Variants in RASGEF1A observed in about 807,000 individuals in gnomAD.
RASGEF1A encodes RasGEF domain family member 1A, also known as ras-GEF domain-containing family member 1A.
RASGEF1A carries 18 observed loss-of-function variants against 56.4 expected under a neutral mutation model. That is an observed-to-expected ratio of 0.32 (90% CI 0.22 to 0.47). RASGEF1A has a LOEUF of 0.47. Among genes scored for constraint, RASGEF1A ranks in the 20% least tolerant of loss-of-function variants. The pLI, the probability that RASGEF1A is intolerant of heterozygous loss-of-function variation, is 1.00. For synonymous variants in RASGEF1A, 245 were observed against 242.6 expected, an observed-to-expected ratio of 1.01 and a Z score of -0.09; for missense variants, 422 against 627.1, an observed-to-expected ratio of 0.67 and a Z score of 3.49.
intron 10 of RASGEF1A, 61 bp from the exon 11 acceptor site, chr10:43,197,160 G>C: frequency 1.3e-6 from 2 of 1,583,360 alleles, no homozygotes; most frequent in Non-Finnish European, 8.6e-7. Context: ...CCCTCGGTCA[G>C]GGCAGGGGAC....
chr10:43,231,223 G>A (rs1479025294), intron 1 of RASGEF1A, among the ~76,000 whole-genome samples: 1 of 152,258 alleles, frequency 6.6e-6, no homozygotes, highest in Non-Finnish European at 1.5e-5. Context: ...GCAGACAGGT[G>A]GCATCAGGAT....
At chr10:43,238,557 T>C (rs1362192023) in intron 1 of RASGEF1A, among the ~76,000 whole-genome samples, 12 of 152,248 alleles carry the variant, frequency 7.9e-5, no homozygotes, top group Admixed American at 7.8e-4. Flanking sequence ...CCTGCAACTC[T>C]GCAAAGACAC....
chr10:43,202,785 A>G, intron 3 of RASGEF1A: 1 of 453,190 alleles, frequency 2.2e-6, no homozygotes, highest in Non-Finnish European at 4.5e-6. Context: ...CCCGGACCCA[A>G]CCCACAGCTC....
At chr10:43,202,724 C>A in intron 3 of RASGEF1A, 1 of 468,798 alleles carries the variant, frequency 2.1e-6, no homozygotes, top group Non-Finnish European at 4.4e-6. Context: ...GCGGATTCCG[C>A]CCACGTTGCC....
chr10:43,216,606 G>T (rs929222076), intron 1 of RASGEF1A, among the ~76,000 whole-genome samples: 4 of 152,202 alleles, frequency 2.6e-5, no homozygotes, highest in African/African-American at 9.7e-5. Context: ...AGTAGACAGT[G>T]CTAGGTAGCC....
At chr10:43,236,171 T>C (rs559157038) in intron 1 of RASGEF1A, among the ~76,000 whole-genome samples, 3 of 152,032 alleles carry the variant, frequency 2.0e-5, no homozygotes, top group Non-Finnish European at 2.9e-5. Flanking sequence ...AAAGGTAATA[T>C]AGAGTGTGAG....
intron 1 of RASGEF1A, among the ~76,000 whole-genome samples, chr10:43,215,976 G>A (rs1166342442): frequency 1.3e-5 from 2 of 152,212 alleles, no homozygotes; most frequent in Non-Finnish European, 2.9e-5. Context: ...GGACAGAAGC[G>A]CTGGCGCCAA....
At position 43,201,831 on chromosome 10, in the gene RASGEF1A, G is replaced by T; in HGVS notation, c.436C>A (p.His146Asn). ...KAMAELKAIT[H>N]RVTQCDEENG... ...ACCTCATCACACTGGGTGACACGGT[G>T]TGTGATGGCTTTCAGCTCGGCCATG... The change falls in exon 4 of 13, where the codon CAC becomes AAC. Residue 146 changes from histidine (H) to asparagine (N), a missense_variant. Around this residue, in one of 2 missense-constraint regions of RASGEF1A, gnomAD observed 273 missense variants for 339.9 expected, o/e 0.80. Coordinates refer to ENST00000395810, the MANE Select transcript of RASGEF1A (RefSeq NM_145313.4). The T allele has an allele frequency of 1.9e-6, 3 of 1,609,576 alleles. No homozygotes were observed. Among genetic ancestry groups the T allele is most frequent in the Non-Finnish European group, 2.5e-6 (3 of 1,177,418 alleles).
chr10:43,205,205 G>A (rs941802153), intron 2 of RASGEF1A, among the ~76,000 whole-genome samples: 2 of 152,162 alleles, frequency 1.3e-5, no homozygotes, highest in Non-Finnish European at 2.9e-5. Context: ...AGCATGATGC[G>A]GGCAGGACTG....
intron 1 of RASGEF1A, among the ~76,000 whole-genome samples, chr10:43,249,214 G>A (rs1333739399): frequency 1.3e-5 from 2 of 152,194 alleles, no homozygotes; most frequent in Non-Finnish European, 2.9e-5. Context: ...CAGTAGCCAA[G>A]ACCTGTAGCC....
At chr10:43,230,195 G>A (rs1840347270) in intron 1 of RASGEF1A, among the ~76,000 whole-genome samples, 1 of 152,240 alleles carries the variant, frequency 6.6e-6, no homozygotes, top group Non-Finnish European at 1.5e-5. Context: ...GCCAGCATTC[G>A]ACTTGAATGC....
chr10:43,211,923 A>G (rs1329313442), intron 1 of RASGEF1A, among the ~76,000 whole-genome samples: 4 of 152,138 alleles, frequency 2.6e-5, no homozygotes, highest in Non-Finnish European at 4.4e-5. Context: ...TTGAAGGGAG[A>G]GACGGAAGCT....
intron 1 of RASGEF1A, among the ~76,000 whole-genome samples, chr10:43,209,621 G>A (rs965859065): frequency 2.0e-5 from 3 of 152,214 alleles, no homozygotes; most frequent in African/African-American, 7.2e-5. Flanking sequence ...CCACACAGGA[G>A]GCACTGCTTA....
At chr10:43,256,860 G>C (rs1192636203) in intron 1 of RASGEF1A, among the ~76,000 whole-genome samples, 1 of 152,182 alleles carries the variant, frequency 6.6e-6, no homozygotes, top group Non-Finnish European at 1.5e-5. Context: ...GGGCCCAGCT[G>C]TTTCCTCTAC....
intron 1 of RASGEF1A, among the ~76,000 whole-genome samples, chr10:43,264,194 G>A (rs1330041698): frequency 1.3e-5 from 2 of 151,908 alleles, no homozygotes; most frequent in Admixed American, 6.5e-5. Context: ...GTGTCCCAGC[G>A]CGCAGGGACA....
At chr10:43,242,346 A>G (rs2133218795) in intron 1 of RASGEF1A, among the ~76,000 whole-genome samples, 1 of 152,306 alleles carries the variant, frequency 6.6e-6, no homozygotes, top group East Asian at 1.9e-4. Context: ...ATACCTAACA[A>G]CAGAGTCCCA....
intron 1 of RASGEF1A, among the ~76,000 whole-genome samples, chr10:43,215,433 G>T (rs75097904): frequency 0.016 from 2,362 of 152,360 alleles, 66 homozygotes; most frequent in African/African-American, 0.053. Flanking sequence ...TGGCTGGCAG[G>T]GAGAGCGTGC....
chr10:43,224,891 T>C (rs528972549), intron 1 of RASGEF1A, among the ~76,000 whole-genome samples: 1,919 of 152,336 alleles, frequency 0.013, 40 homozygotes, highest in African/African-American at 0.044. Context: ...ATCAATTACC[T>C]AACATAAACT....
At chr10:43,228,398 G>A (rs1414625449) in intron 1 of RASGEF1A, among the ~76,000 whole-genome samples, 1 of 152,210 alleles carries the variant, frequency 6.6e-6, no homozygotes, top group East Asian at 1.9e-4. Flanking sequence ...GAGCAGGACT[G>A]TCATTGGAGG....
Sources: allele counts gnomAD v4.1 joint callset (sites outside exome capture counted in the v4.1 genomes callset), GRCh38; gene constraint gnomAD v4.1.1; regional missense constraint gnomAD v4.1.1; transcripts MANE v1.5; gene names NCBI Gene and HGNC (gene_info 2026-07-23, HGNC 2026-07-21).